The following RNF130 variants were observed in gnomAD, a reference collection of about 807,000 sequenced individuals.
RNF130 encodes ring finger protein 130.
Under a neutral mutation model 44.6 loss-of-function variants are expected in RNF130, and 21 were observed. The ratio of observed to expected loss-of-function variants is 0.47; its 90% CI spans 0.33 to 0.68. The LOEUF (loss-of-function observed/expected upper bound fraction) is 0.68. Among genes scored for constraint, RNF130 ranks in the 30% least tolerant of loss-of-function variants. RNF130 has a pLI of 0.02. For missense variants in RNF130, 479 were observed against 560.6 expected, an observed-to-expected ratio of 0.85 and a Z score of 1.47; for synonymous variants, 214 against 210.4, an observed-to-expected ratio of 1.02 and a Z score of -0.15.
intron 1 of RNF130, among the ~76,000 whole-genome samples, chr5:180,057,329 ACC>A (rs1264960113): frequency 1.3e-5 from 2 of 152,330 alleles, no homozygotes; most frequent in East Asian, 3.9e-4. Flanking sequence ...CGGGAGGATC[ACC>A]CGAGGTCAGG....
intron 2 of RNF130, among the ~76,000 whole-genome samples, chr5:180,035,257 A>G (rs905802219): frequency 6.6e-6 from 1 of 152,152 alleles, no homozygotes; most frequent in Admixed American, 6.5e-5. Context: ...TGTTTTTAAA[A>G]TTTCCTTTTG....
At chr5:179,986,508 T>C (rs1323678158) in intron 3 of RNF130, among the ~76,000 whole-genome samples, 3 of 152,226 alleles carry the variant, frequency 2.0e-5, no homozygotes, top group Admixed American at 2.0e-4. Context: ...TTTACTGCAA[T>C]AATCAACCTA....
chr5:179,985,723 C>G (rs1762938626), intron 3 of RNF130, among the ~76,000 whole-genome samples: 1 of 152,124 alleles, frequency 6.6e-6, no homozygotes, highest in African/African-American at 2.4e-5. Flanking sequence ...GTAGCTTTAT[C>G]AATAAGGGCA....
Position 179,924,339 on chromosome 5 carries a change from C to T in RNF130, c.1151-3913G>A, listed in dbSNP as rs1761676751. Among the ~76,000 whole-genome samples, 3 of 150,588 alleles carry T rather than the reference C, an allele frequency of 2.0e-5. 1 individual carries two copies. The South Asian group carries it at 6.3e-4, about 31-fold the overall frequency. On this transcript the variant is annotated intron_variant, in intron 7 of 7. Coordinates refer to the RNF130 transcript ENST00000522208. ...GGAGAAACCCTGTCTCTACTAAAAACACAAAATTAGCCAGACATGGTGGCG... is the reference window on the plus strand; with the variant it reads ...GGAGAAACCCTGTCTCTACTAAAAATACAAAATTAGCCAGACATGGTGGCG...
Position 180,033,406 on chromosome 5 carries a change from C to T in RNF130, c.442+7047G>A, listed in dbSNP as rs971444294. Among the ~76,000 whole-genome samples, 19 of 152,212 alleles carry T rather than the reference C, an allele frequency of 1.2e-4. 1 individual carries two copies. Among genetic ancestry groups the T allele is most frequent in the East Asian group, 7.7e-4 (4 of 5,174 alleles). ...ACTCTTCTTAATTTCATTTTTGGAACGTTCATAGCTAGCATATAGAAATAC... is the reference window on the plus strand; with the variant it reads ...ACTCTTCTTAATTTCATTTTTGGAATGTTCATAGCTAGCATATAGAAATAC... On this transcript the variant is annotated intron_variant, in intron 2 of 8. Coordinates refer to ENST00000521389, the MANE Select transcript of RNF130 (RefSeq NM_018434.6).
intron 3 of RNF130, among the ~76,000 whole-genome samples, chr5:180,003,843 G>T (rs575158658): frequency 1.3e-5 from 2 of 152,292 alleles, no homozygotes; most frequent in South Asian, 4.1e-4. Flanking sequence ...TTTTCAAGGT[G>T]TGGTCCATGG....
intron 2 of RNF130, among the ~76,000 whole-genome samples, chr5:180,027,386 T>C (rs1484618548): frequency 3.3e-5 from 5 of 152,114 alleles, no homozygotes; most frequent in African/African-American, 1.2e-4. Flanking sequence ...TGACCTTCTC[T>C]GAGTATAAGC....
chr5:179,931,387 TTGTG>T (rs929480015), intron 7 of RNF130, among the ~76,000 whole-genome samples: 14 of 152,218 alleles, frequency 9.2e-5, no homozygotes, highest in African/African-American at 2.9e-4. Context: ...CTGTGTTCTT[TTGTG>T]TGTGTGCTTT....
intron 1 of RNF130, among the ~76,000 whole-genome samples, chr5:180,058,126 G>A (rs1369147556): frequency 1.3e-5 from 2 of 152,156 alleles, no homozygotes; most frequent in Non-Finnish European, 1.5e-5. Context: ...GTGTCAAAGC[G>A]AGGACAGAAG....
chr5:179,967,016 A>C lies in RNF130; in HGVS notation c.946-6T>G. On this transcript the variant is annotated splice_region_variant and splice_polypyrimidine_tract_variant and intron_variant, in intron 6 of 8. Coordinates refer to ENST00000521389, the MANE Select transcript of RNF130 (RefSeq NM_018434.6). ...TCAGTACATGGCAAATTCGGCTGCA[A>C]AATATTTCCAGGTTAAAAATAATTG... is the stretch of plus-strand genomic sequence containing the variant. 6.2e-7 allele frequency: 1 copy of C among 1,607,820 alleles called. No homozygotes were observed. Among genetic ancestry groups the C allele is most frequent in the Non-Finnish European group, 8.5e-7 (1 of 1,176,064 alleles).
At chr5:180,028,315 T>C (rs1245064378) in intron 2 of RNF130, among the ~76,000 whole-genome samples, 2 of 152,166 alleles carry the variant, frequency 1.3e-5, no homozygotes, top group Non-Finnish European at 2.9e-5. Flanking sequence ...TGTGTCTTGT[T>C]TATGCTTGGA....
chr5:180,000,911 G>A lies in RNF130; in HGVS notation c.693+12150C>T, dbSNP rs776677820. 9.2e-5 allele frequency among the ~76,000 whole-genome samples: 14 copies of A among 152,118 alleles called. 1 individual carries two copies. The highest frequency in any genetic ancestry group is 6.3e-3 in the Middle Eastern group (2 of 316). On this transcript the variant is annotated intron_variant, in intron 3 of 8. Coordinates refer to ENST00000521389, the MANE Select transcript of RNF130 (RefSeq NM_018434.6). The stretch of plus-strand genomic sequence containing the variant: ...TTGGAGTGTGTTACTAGGGAATTAC[G>A]TTCCTTTGATGGTGTCCTACTTCCT...
intron 2 of RNF130, among the ~76,000 whole-genome samples, chr5:180,029,769 T>C (rs1764083912): frequency 6.6e-6 from 1 of 151,906 alleles, no homozygotes; most frequent in African/African-American, 2.4e-5. Flanking sequence ...CTAGAACTCC[T>C]GGACTCAAGC....
Position 179,978,228 on chromosome 5 carries a change from C to T in RNF130, c.823G>A (p.Asp275Asn). 6.2e-7 allele frequency: 1 copy of T among 1,613,992 alleles called. No homozygotes were observed. The change falls in exon 5 of 9, where the codon GAT (aspartate) becomes AAT (asparagine). Residue 275 changes from aspartate to asparagine, a missense_variant. Physicochemically the swap from Asp to Asn is conservative, Grantham distance 23 (BLOSUM62 1). This residue lies in a region of RNF130 where 180 missense variants were observed against 275.1 expected (regional missense o/e 0.65). Coordinates refer to ENST00000521389, the MANE Select transcript of RNF130 (RefSeq NM_018434.6). ...TTGCAGGGGAGAATTCGGACGACAT[C>T]ATTCTGCTTATAGCTCTCTATGCAG... ...AVCIESYKQN[D>N]VVRILPCKHV... is the part of the protein sequence containing the mutation.
At chr5:179,966,522 T>C (rs1762453163) in intron 7 of RNF130, among the ~76,000 whole-genome samples, 1 of 152,176 alleles carries the variant, frequency 6.6e-6, no homozygotes, top group African/African-American at 2.4e-5. Context: ...CTGTTTGTAA[T>C]GCAATGATTT....
chr5:179,998,880 T>C lies in RNF130; in HGVS notation c.693+14181A>G, dbSNP rs928603826. Among the ~76,000 whole-genome samples, 19 of 129,458 alleles carry C rather than the reference T, an allele frequency of 1.5e-4. 2 individuals are homozygous for C. Among genetic ancestry groups the C allele is most frequent in the Non-Finnish European group, 2.7e-4 (16 of 59,682 alleles). 84.9% of individuals were successfully genotyped at this position (129,458 alleles called of 152,430 possible). A position where few individuals can be genotyped will look rare whatever the true frequency, so the allele number is the denominator to read the frequency against. Reference sequence around the variant, plus strand: ...TTTTTTATATATATATATATATATATATATGTTTTATATATCTGAGTGCTC... The same window carrying C: ...TTTTTTATATATATATATATATATACATATGTTTTATATATCTGAGTGCTC... On this transcript the variant is annotated intron_variant, in intron 3 of 8. Coordinates refer to ENST00000521389, the MANE Select transcript of RNF130 (RefSeq NM_018434.6).
Position 180,045,316 on chromosome 5 carries a change from G to A in RNF130, c.248-4669C>T, listed in dbSNP as rs140445335. Among the ~76,000 whole-genome samples, 15 of 152,250 alleles carry A rather than the reference G, an allele frequency of 9.9e-5. No individual in the cohort carries two copies. In the East Asian group the frequency reaches 2.5e-3, roughly 25 times the overall value. On this transcript the variant is annotated intron_variant, in intron 1 of 8. Coordinates refer to ENST00000521389, the MANE Select transcript of RNF130 (RefSeq NM_018434.6). ...TTGCTGACTTCAAGAAGGAAGCCGC[G>A]GACCCTCACGGTGTTACAGTTCTTA...
chr5:179,960,729 G>A (rs1431365032), intron 8 of RNF130, among the ~76,000 whole-genome samples: 1 of 152,116 alleles, frequency 6.6e-6, no homozygotes, highest in African/African-American at 2.4e-5. Flanking sequence ...TAGAGGTGGA[G>A]TTTAGTATCA....
At chr5:179,998,037 T>A (rs1472196024) in intron 3 of RNF130, among the ~76,000 whole-genome samples, 1 of 151,358 alleles carries the variant, frequency 6.6e-6, no homozygotes, top group Non-Finnish European at 1.5e-5. Flanking sequence ...AGACGGGGTT[T>A]CACCATGTTG....
Sources: gnomAD v4.1 joint callset for allele counts (sites outside exome capture counted in the v4.1 genomes callset) on GRCh38, gnomAD v4.1.1 for gene constraint, gnomAD v4.1.1 regional missense constraint, MANE v1.5 for transcripts, NCBI Gene and HGNC (gene_info 2026-07-23, HGNC 2026-07-21) for gene names.